Variants in SEPTIN9 observed in about 807,000 individuals in gnomAD.
SEPTIN9 encodes the protein septin 9.
In SEPTIN9, 13 loss-of-function variants were observed where a neutral mutation model predicts 56.6. The ratio of observed to expected loss-of-function variants is 0.23; its 90% CI spans 0.15 to 0.37. The LOEUF is 0.37. Ranked by LOEUF, SEPTIN9 falls within the 10% of genes least tolerant of loss-of-function variation. The probability of loss-of-function intolerance (pLI) is 1.00; values close to 1 mark genes in which losing one functional copy is unlikely to be tolerated. For synonymous variants in SEPTIN9, 332 were observed against 334.1 expected, an observed-to-expected ratio of 0.99 and a Z score of 0.07; for missense variants, 650 against 823.1, an observed-to-expected ratio of 0.79 and a Z score of 2.57.
chr17:77,420,321 G>A (rs1258121367), intron 3 of SEPTIN9, among the ~76,000 whole-genome samples: 1 of 152,224 alleles, frequency 6.6e-6, no homozygotes, highest in Non-Finnish European at 1.5e-5. Flanking sequence ...CAGGAAGTTT[G>A]CCTCCTCGGA....
At chr17:77,448,599 CGT>C (rs2037842319) in intron 3 of SEPTIN9, among the ~76,000 whole-genome samples, 1 of 151,848 alleles carries the variant, frequency 6.6e-6, no homozygotes, top group African/African-American at 2.4e-5. Flanking sequence ...GGAGAGGTGC[CGT>C]GTGTGTGAAG....
rs2034709714 is a variant in SEPTIN9, at chr17:77,371,212, G to A, written c.77-30847G>A. ...ATTACATTGAAGGGGCAGTGGCTGG[G>A]GCTGGAGCCGGTGGGCTCTGAGCAC... On this transcript the variant is annotated intron_variant, in intron 2 of 11. Transcript: ENST00000427177. This position sits in a 1 kb window ranked among gnomAD's most constrained non-coding sequence, Gnocchi z 4.1. Among the ~76,000 whole-genome samples the A allele has an allele frequency of 6.6e-6, 1 of 152,192 alleles. No homozygotes were observed. The highest frequency in any genetic ancestry group is 2.1e-4 in the South Asian group (1 of 4,832).
intron 2 of SEPTIN9, among the ~76,000 whole-genome samples, chr17:77,346,044 G>A (rs1348390077): frequency 2.0e-5 from 3 of 151,960 alleles, no homozygotes; most frequent in African/African-American, 7.3e-5. Flanking sequence ...TCCACCTCCC[G>A]GGTTCAAGCC....
intron 2 of SEPTIN9, among the ~76,000 whole-genome samples, chr17:77,386,599 A>G (rs1166917325): frequency 6.6e-6 from 1 of 152,126 alleles, no homozygotes; most frequent in Non-Finnish European, 1.5e-5. Flanking sequence ...TCCTTCTCTC[A>G]TAGGCCACCA....
In SEPTIN9 at chr17:77,498,619, C is replaced by T. The variant is rs111522601; in HGVS notation, c.1722C>T (p.Asn574=). The part of the protein sequence containing the change: ...RLNEGSSAMA[N]GMEEKEPEAP... ...ACGAGGGCAGCAGCGCCATGGCCAA[C>T]GGCATGGAGGAGAAGGAGCCAGAAG... The change falls in exon 12 of 12, where the codon AAC becomes AAT. Residue 574 remains asparagine (N), a synonymous_variant. Coordinates refer to ENST00000427177, the MANE Select transcript of SEPTIN9 (RefSeq NM_001113491.2). The T allele has an allele frequency of 1.2e-4, 190 of 1,610,480 alleles. 3 individuals carry two copies. The African/African-American group carries it at 1.6e-3, about 13-fold the overall frequency.
At chr17:77,482,064 G>T in intron 3 of SEPTIN9, 80 bp from the exon 4 acceptor site, 1 of 1,359,520 alleles carries the variant, frequency 7.4e-7, no homozygotes. Context: ...CCCATCCAAG[G>T]ATGGGTGTGA....
intron 10 of SEPTIN9, among the ~76,000 whole-genome samples, chr17:77,496,808 C>T (rs1172270292): frequency 2.0e-5 from 3 of 152,240 alleles, no homozygotes; most frequent in East Asian, 1.9e-4. Context: ...TCTGAGCGCA[C>T]ACAAGGTGGA....
intron 2 of SEPTIN9, among the ~76,000 whole-genome samples, chr17:77,395,978 A>G (rs2144062624): frequency 6.6e-6 from 1 of 152,366 alleles, no homozygotes; most frequent in South Asian, 2.1e-4. Flanking sequence ...GCCAAAGCAC[A>G]TGAACGGTCT....
chr17:77,425,246 A>G lies in SEPTIN9; in HGVS notation c.721+22543A>G, dbSNP rs1257434461. Among the ~76,000 whole-genome samples the G allele has an allele frequency of 5.3e-5, 8 of 152,170 alleles. No homozygotes were observed. The highest frequency in any genetic ancestry group is 1.5e-5 in the Non-Finnish European group (1 of 68,014). ...TGAGAGTGCCGGAGGAGGGCCTCCC[A>G]GGAAAACCCAGCTGCACAGGAAGCC... On this transcript the variant is annotated intron_variant, in intron 3 of 11. Transcript: ENST00000427177. This position sits in a 1 kb window ranked among gnomAD's most constrained non-coding sequence, Gnocchi z 4.2.
At chr17:77,354,455 C>G (rs987207680) in intron 2 of SEPTIN9, among the ~76,000 whole-genome samples, 3 of 152,164 alleles carry the variant, frequency 2.0e-5, no homozygotes, top group Non-Finnish European at 4.4e-5. Flanking sequence ...GCCTCATCTC[C>G]CTGGTATGAC....
rs539696847 is a variant in SEPTIN9, at chr17:77,369,592, G to A, written c.77-32467G>A. 3.3e-5 allele frequency among the ~76,000 whole-genome samples: 5 copies of A among 152,282 alleles called. No homozygotes were observed. The highest frequency in any genetic ancestry group is 2.4e-5 in the African/African-American group (1 of 41,550). On this transcript the variant is annotated intron_variant, in intron 2 of 11. Transcript: ENST00000427177. This position sits in a 1 kb window ranked among gnomAD's most constrained non-coding sequence, Gnocchi z 4.9. The stretch of plus-strand genomic sequence containing the variant: ...TCTGCCACTGACGGACCCAGGGCTC[G>A]GCAGCTCTGGGAGGCCTACTTTGTG...
chr17:77,325,464 C>T lies in SEPTIN9; in HGVS notation c.76+18267C>T, dbSNP rs1011409702. 2.0e-5 allele frequency among the ~76,000 whole-genome samples: 3 copies of T among 152,320 alleles called. No individual in the cohort carries two copies. The South Asian group carries it at 6.2e-4, about 32-fold the overall frequency. ...TGCACTCGATCATCCCCTCTCAGGC[C>T]AGCCAGGGAGTCTCAGCTCCTGCCC... On this transcript the variant is annotated intron_variant, in intron 2 of 11. Coordinates refer to ENST00000427177, the MANE Select transcript of SEPTIN9 (RefSeq NM_001113491.2).
intron 2 of SEPTIN9, chr17:77,373,726 C>T: frequency 1.6e-6 from 2 of 1,284,318 alleles, no homozygotes; most frequent in Non-Finnish European, 2.0e-6. Flanking sequence ...GCCCCGTGCC[C>T]GCGCCGCCTA....
rs1172532052 is a variant in SEPTIN9, at chr17:77,405,162, T to C, written c.721+2459T>C. On this transcript the variant is annotated intron_variant, in intron 3 of 11. Transcript: ENST00000427177. The surrounding 1 kb of genome is among the most constrained non-coding windows in gnomAD (Gnocchi z 5.8). ...ACAGGTAGGGGGATGTCCATGGGGA[T>C]GTACAAGAACATTCTCCTCCAGGGG... is the stretch of plus-strand genomic sequence containing the variant. The C allele has an allele frequency of 6.6e-7, 1 of 1,526,510 alleles. No individual in the cohort carries two copies. Among genetic ancestry groups the C allele is most frequent in the South Asian group, 1.2e-5 (1 of 83,836 alleles). 94.6% of individuals were successfully genotyped at this position (1,526,510 alleles called of 1,614,324 possible).
intron 3 of SEPTIN9, among the ~76,000 whole-genome samples, chr17:77,414,572 CTTTTTTTTTTT>C (rs559525322): frequency 8.1e-6 from 1 of 123,834 alleles, no homozygotes; most frequent in Non-Finnish European, 1.7e-5. Context: ...TGTGTGGATT[CTTTTTTTTTTT>C]TTTTTTTTTT....
chr17:77,297,419 C>G (rs1396649271), intron 1 of SEPTIN9, among the ~76,000 whole-genome samples: 1 of 152,164 alleles, frequency 6.6e-6, no homozygotes, highest in Non-Finnish European at 1.5e-5. Flanking sequence ...ACTCAGCCCA[C>G]CAACTCACAT....
rs748243688 is a variant in SEPTIN9 at position 77,475,641 on chromosome 17, C to G, written c.722-6503C>G. On this transcript the variant is annotated intron_variant, in intron 3 of 11. Coordinates refer to ENST00000427177, the MANE Select transcript of SEPTIN9 (RefSeq NM_001113491.2). This position sits in a 1 kb window ranked among gnomAD's most constrained non-coding sequence, Gnocchi z 4.6. Reference sequence around the variant, plus strand: ...GGCAGCTGGAGGCTGCTCCAGTGTGCATTGTTACGAGGCAAAGTAAGGAGA... The same window carrying G: ...GGCAGCTGGAGGCTGCTCCAGTGTGGATTGTTACGAGGCAAAGTAAGGAGA... 3.1e-6 allele frequency: 5 copies of G among 1,613,802 alleles called. No homozygotes were observed. In the South Asian group the frequency reaches 5.5e-5, roughly 18 times the overall value.
At chr17:77,403,701 T>C (rs1285568650) in intron 3 of SEPTIN9, among the ~76,000 whole-genome samples, 1 of 152,214 alleles carries the variant, frequency 6.6e-6, no homozygotes, top group East Asian at 1.9e-4. Flanking sequence ...CAGTAAGCCT[T>C]CTTTAGGTTG....
intron 2 of SEPTIN9, among the ~76,000 whole-genome samples, chr17:77,350,550 C>T (rs1008015586): frequency 6.6e-6 from 1 of 152,038 alleles, no homozygotes; most frequent in African/African-American, 2.4e-5. Context: ...GGAGAAATCC[C>T]GTCACTCGCT....
Sources: allele counts gnomAD v4.1 joint callset (sites outside exome capture counted in the v4.1 genomes callset), GRCh38; gene constraint gnomAD v4.1.1; non-coding constraint Gnocchi (gnomAD v3.1); transcripts MANE v1.5; gene names NCBI Gene and HGNC (gene_info 2026-07-23, HGNC 2026-07-21).